Variants in IQANK1 observed in about 807,000 individuals in gnomAD.
IQANK1 encodes the protein IQ motif and ankyrin repeat domain-containing protein 1.
A neutral mutation model predicts 22.6 loss-of-function variants in IQANK1; 30 were observed. The observed-to-expected ratio is 1.33, with a 90% CI of 0.99 to 1.80. The LOEUF is 1.80. Ranked by LOEUF, IQANK1 falls within the 40% of genes most tolerant of loss-of-function variation. IQANK1 has a pLI of 0.00. For synonymous variants in IQANK1, 122 were observed against 99.6 expected (o/e 1.23, Z -1.34); for missense variants, 275 against 235.2 (o/e 1.17, Z -1.11).
intron 3 of IQANK1, chr8:143,745,095 G>A (rs1331259875): frequency 2.0e-5 from 3 of 152,354 alleles, no homozygotes; most frequent in Non-Finnish European, 4.4e-5. Flanking sequence ...ACTGGTGGGA[G>A]TGGTTGGCAT....
chr8:143,759,137 T>C, intron 3 of IQANK1: 1 of 300,108 alleles, frequency 3.3e-6, no homozygotes, highest in Non-Finnish European at 6.5e-6. Context: ...ACCACGATGC[T>C]CCAGGAGAAG....
In IQANK1 at chr8:143,785,494, A is replaced by T. The variant is rs1285941772; in HGVS notation, c.790-3421A>T. Among the ~76,000 whole-genome samples the T allele has an allele frequency of 4.6e-5, 7 of 151,696 alleles. No individual in the cohort carries two copies. The East Asian group carries it at 1.4e-3, about 30-fold the overall frequency. ...TGGTCTTGAACTCCTGACCTCAAGT[A>T]ATTTGCCCATCTCAGCTTCCCAAAG... On this transcript the variant is annotated intron_variant, in intron 7 of 13. Transcript: ENST00000527139.
chr8:143,759,129 C>A, intron 3 of IQANK1: 1 of 307,408 alleles, frequency 3.3e-6, no homozygotes, highest in South Asian at 3.6e-5. Flanking sequence ...TCTGGAACAC[C>A]ACGATGCTCC....
At chr8:143,749,453 T>G (rs1206087416) in intron 3 of IQANK1, among the ~76,000 whole-genome samples, 1 of 135,520 alleles carries the variant, frequency 7.4e-6, no homozygotes, top group Admixed American at 7.9e-5. Flanking sequence ...ATATATTATA[T>G]ATCATATATA....
At chr8:143,762,939 T>C (rs1326977190) in intron 3 of IQANK1, among the ~76,000 whole-genome samples, 1 of 150,772 alleles carries the variant, frequency 6.6e-6, no homozygotes, top group Non-Finnish European at 1.5e-5. Context: ...CTCCCTCTTT[T>C]CTTTTTTTTT....
chr8:143,761,972 A>G (rs982055610), intron 3 of IQANK1, among the ~76,000 whole-genome samples: 9 of 152,176 alleles, frequency 5.9e-5, no homozygotes, highest in African/African-American at 1.9e-4. Context: ...GTAACACAGT[A>G]TATCATTTCT....
rs567766606 is a variant in IQANK1 at position 143,788,173 on chromosome 8, G to A, written c.790-742G>A. ...TGCTTCCCAGAGCAGGAAGGGGCAA[G>A]TGGCATTCACACACGGAGCCACCCA... is the stretch of plus-strand genomic sequence containing the variant. On this transcript the variant is annotated intron_variant, in intron 7 of 13. Transcript: ENST00000527139. 1.4e-3 allele frequency among the ~76,000 whole-genome samples: 217 copies of A among 152,358 alleles called. 1 individual carries two copies. The highest frequency in any genetic ancestry group is 4.9e-3 in the African/African-American group (202 of 41,584).
intron 3 of IQANK1, among the ~76,000 whole-genome samples, chr8:143,751,637 T>TGG: frequency 2.2e-5 from 1 of 44,906 alleles, no homozygotes; most frequent in Admixed American, 3.2e-4. Context: ...TGTGTGTGTG[T>TGG]GTGTGTGTGT....
At chr8:143,757,368 A>G (rs1490737696) in intron 3 of IQANK1, among the ~76,000 whole-genome samples, 3 of 146,850 alleles carry the variant, frequency 2.0e-5, no homozygotes, top group Admixed American at 6.9e-5. Flanking sequence ...ACGGAGTCTC[A>G]CTCTGTCACC....
At chr8:143,753,655 G>A (rs1485862181) in intron 3 of IQANK1, among the ~76,000 whole-genome samples, 12 of 151,916 alleles carry the variant, frequency 7.9e-5, no homozygotes, top group Middle Eastern at 3.4e-3. Flanking sequence ...GAGTTTCACC[G>A]TGTTGGCCAG....
At chr8:143,784,515 A>C (rs144683147) in intron 7 of IQANK1, among the ~76,000 whole-genome samples, 2 of 152,320 alleles carry the variant, frequency 1.3e-5, no homozygotes, top group East Asian at 3.9e-4. Context: ...AGTTCTTTTT[A>C]GCCATGTGAG....
rs148678752 is a variant in IQANK1 at position 143,789,607 on chromosome 8, G to A, written c.1086+79G>A. The A allele has an allele frequency of 4.1e-4, 503 of 1,226,490 alleles. 5 individuals carry two copies. The African/African-American group carries it at 6.1e-3, about 15-fold the overall frequency. The allele number at this position is 1,226,490 out of a possible 1,614,324, so 76.0% of individuals were successfully genotyped here. ...GTTCCAAACCAGCCCAGAGCTCCCC[G>A]CTCCCAGGCCTGGGGTTTTTCCCTC... On this transcript the variant is annotated intron_variant, in intron 10 of 13. Transcript: ENST00000527139.
At chr8:143,777,006 G>A (rs1256345508) in intron 7 of IQANK1, among the ~76,000 whole-genome samples, 2 of 151,534 alleles carry the variant, frequency 1.3e-5, no homozygotes, top group Non-Finnish European at 2.9e-5. Context: ...TGTGCCTGTG[G>A]TCCCAACTAC....
At chr8:143,784,281 T>A (rs1819847769) in intron 7 of IQANK1, among the ~76,000 whole-genome samples, 1 of 152,176 alleles carries the variant, frequency 6.6e-6, no homozygotes, top group African/African-American at 2.4e-5. Context: ...CATGGTCTTC[T>A]CACAATAGTG....
At chr8:143,748,806 T>TCATATAAATATATAAATATATATTTCA (rs1563770426) in intron 3 of IQANK1, among the ~76,000 whole-genome samples, 45 of 16,254 alleles carry the variant, frequency 2.8e-3, no homozygotes, top group African/African-American at 3.2e-3. Flanking sequence ...TAAATATATA[T>TCATATAAATATATAAATATATATTTCA]CATATAAATA....
chr8:143,749,584 T>TA (rs56176556), intron 3 of IQANK1, among the ~76,000 whole-genome samples: 117 of 69,736 alleles, frequency 1.7e-3, no homozygotes, highest in Middle Eastern at 7.6e-3. Context: ...ATATATATAT[T>TA]TTATTTATTT....
At chr8:143,751,611 C>CAA (rs1184308306) in intron 3 of IQANK1, among the ~76,000 whole-genome samples, 1 of 79,266 alleles carries the variant, frequency 1.3e-5, no homozygotes, top group African/African-American at 5.0e-5. Flanking sequence ...GACTTCATCT[C>CAA]AAAAAAAAAA....
intron 7 of IQANK1, among the ~76,000 whole-genome samples, chr8:143,786,716 A>G (rs1185466962): frequency 6.6e-6 from 1 of 152,146 alleles, no homozygotes. Flanking sequence ...CCAGGCTACC[A>G]GGGCGGGCAG....
chr8:143,768,326 G>A (rs1239514267), intron 3 of IQANK1, among the ~76,000 whole-genome samples: 4 of 152,108 alleles, frequency 2.6e-5, no homozygotes, highest in South Asian at 2.1e-4. Context: ...GAGGGTTTCC[G>A]CGAATGTCTC....
Sources: gnomAD v4.1 joint callset for allele counts (sites outside exome capture counted in the v4.1 genomes callset) on GRCh38, gnomAD v4.1.1 for gene constraint, MANE v1.5 for transcripts, NCBI Gene and HGNC (gene_info 2026-07-23, HGNC 2026-07-21) for gene names.